The following NLRP4 variants were observed in gnomAD, a reference collection of about 807,000 sequenced individuals.
The protein encoded by NLRP4 is NACHT, LRR and PYD domains-containing protein 4.
NLRP4 carries 44 observed loss-of-function variants against 84.7 expected under a neutral mutation model. The ratio of observed to expected loss-of-function variants is 0.52; its 90% CI spans 0.41 to 0.67. NLRP4 has a LOEUF of 0.67. Ranked by LOEUF, NLRP4 falls within the 30% of genes least tolerant of loss-of-function variation. NLRP4 has a pLI of 0.00. For missense variants in NLRP4, 1,260 were observed against 1,219.4 expected (o/e 1.03, Z -0.50); for synonymous variants, 544 against 476.4 (o/e 1.14, Z -1.85).
At chr19:55,843,790 A>G (rs1178790766) in intron 1 of NLRP4, among the ~76,000 whole-genome samples, 14 of 152,204 alleles carry the variant, frequency 9.2e-5, no homozygotes, top group Non-Finnish European at 7.4e-5. Flanking sequence ...GGCAAAAACC[A>G]CAATTACTTT....
chr19:55,838,438 G>A (rs1433152791), intron 1 of NLRP4, among the ~76,000 whole-genome samples: 1 of 151,998 alleles, frequency 6.6e-6, no homozygotes, highest in Non-Finnish European at 1.5e-5. Flanking sequence ...GCAAGGAAGG[G>A]CTCCCCTGGG....
intron 5 of NLRP4, among the ~76,000 whole-genome samples, chr19:55,866,736 A>ATATG: frequency 6.6e-6 from 1 of 152,236 alleles, no homozygotes; most frequent in Non-Finnish European, 1.5e-5. Flanking sequence ...CTTGGCGGGC[A>ATATG]CACATGCAAA....
intron 7 of NLRP4, among the ~76,000 whole-genome samples, chr19:55,874,383 C>G (rs919730129): frequency 6.6e-6 from 1 of 152,004 alleles, no homozygotes; most frequent in African/African-American, 2.4e-5. Context: ...AAGCTACATT[C>G]CAAGTGCTCA....
intron 7 of NLRP4, 83 bp downstream of exon 7, chr19:55,871,080 G>T: frequency 8.3e-7 from 1 of 1,208,982 alleles, no homozygotes; most frequent in South Asian, 1.3e-5. Context: ...TGGAATTGAG[G>T]AAGGCTGTAG....
intron 2 of NLRP4, among the ~76,000 whole-genome samples, chr19:55,857,078 A>G (rs1984463546): frequency 6.6e-6 from 1 of 152,210 alleles, no homozygotes; most frequent in South Asian, 2.1e-4. Context: ...TTGCTTATCC[A>G]TATGAAGAGA....
chr19:55,881,433 T>G (rs1292617563), intron 9 of NLRP4, 37 bp from the exon 10 acceptor site: 1 of 1,064,328 alleles, frequency 9.4e-7, no homozygotes, highest in Non-Finnish European at 1.5e-6. Context: ...AAAAAGTATG[T>G]GAATTAAAAA....
intron 6 of NLRP4, among the ~76,000 whole-genome samples, chr19:55,870,543 A>G (rs1329903132): frequency 6.6e-6 from 1 of 152,116 alleles, no homozygotes; most frequent in Non-Finnish European, 1.5e-5. Context: ...GGTGCCTGTA[A>G]TCTCAGCTAC....
At chr19:55,870,143 G>A (rs958928038) in intron 6 of NLRP4, among the ~76,000 whole-genome samples, 1 of 151,790 alleles carries the variant, frequency 6.6e-6, no homozygotes, top group Non-Finnish European at 1.5e-5. Flanking sequence ...AAAGAATAAT[G>A]AAATTGAAAA....
At chr19:55,853,903 CTCTT>C (rs1328716312) in intron 2 of NLRP4, among the ~76,000 whole-genome samples, 11 of 134,956 alleles carry the variant, frequency 8.2e-5, no homozygotes, top group East Asian at 2.0e-4. Context: ...CTCTCTCTCT[CTCTT>C]TCTCTTTCTT....
intron 1 of NLRP4, among the ~76,000 whole-genome samples, chr19:55,841,247 G>A (rs1983603109): frequency 6.6e-6 from 1 of 152,116 alleles, no homozygotes; most frequent in Non-Finnish European, 1.5e-5. Context: ...CTAACTGTAA[G>A]CGTGCCTGTT....
In NLRP4 at chr19:55,853,889, T is replaced by TTCTCTC. The variant is rs145906779; in HGVS notation, c.280+1541_280+1546dup. The stretch of plus-strand genomic sequence containing the variant: ...TCTCTCTTTCTCTCTTGCTATCTCT[T>TTCTCTC]TCTCTCTCTCTCTCTCTTTCTCTTT... On this transcript the variant is annotated intron_variant, in intron 2 of 9. Coordinates refer to ENST00000301295, the MANE Select transcript of NLRP4 (RefSeq NM_134444.5). Among the ~76,000 whole-genome samples the TTCTCTC allele has an allele frequency of 2.3e-4, 31 of 132,254 alleles. 1 individual carries two copies. Among genetic ancestry groups the TTCTCTC allele is most frequent in the Middle Eastern group, 3.7e-3 (1 of 272 alleles). The allele number at this position is 132,254 out of a possible 152,430, so 86.8% of individuals were successfully genotyped here. A position where few individuals can be genotyped will look rare whatever the true frequency, so the allele number is the denominator to read the frequency against.
At chr19:55,852,515 T>C (rs1283140256) in intron 2 of NLRP4, among the ~76,000 whole-genome samples, 155 bp downstream of exon 2, 1 of 150,684 alleles carries the variant, frequency 6.6e-6, no homozygotes, top group African/African-American at 2.5e-5. Context: ...AGTCGCACTT[T>C]GTTGCCCAGA....
At chr19:55,849,916 C>CCGAGACT in intron 1 of NLRP4, among the ~76,000 whole-genome samples, 1 of 83,228 alleles carries the variant, frequency 1.2e-5, no homozygotes, top group African/African-American at 7.3e-5. Flanking sequence ...TTTCCGTAGC[C>CCGAGACT]GCGGTGTAAT....
intron 6 of NLRP4, 88 bp downstream of exon 6, chr19:55,867,964 A>G: frequency 8.6e-7 from 1 of 1,160,928 alleles, no homozygotes; most frequent in Non-Finnish European, 1.2e-6. Flanking sequence ...TCATTGATGG[A>G]GGCCACATAG....
intron 7 of NLRP4, among the ~76,000 whole-genome samples, chr19:55,873,685 A>T (rs1477561489): frequency 6.6e-6 from 1 of 152,156 alleles, no homozygotes; most frequent in African/African-American, 2.4e-5. Context: ...CGCAAATATT[A>T]AAAGGAAGCT....
At chr19:55,854,617 G>C (rs557818724) in intron 2 of NLRP4, among the ~76,000 whole-genome samples, 1 of 152,162 alleles carries the variant, frequency 6.6e-6, no homozygotes, top group South Asian at 2.1e-4. Flanking sequence ...TAAAATAATT[G>C]GTTTGAAATA....
rs1347708511 is a variant in NLRP4, at chr19:55,881,814, C to CT, written c.*229dup. On this transcript the variant is annotated 3_prime_UTR_variant, in exon 10 of 10. Transcript: ENST00000301295. ...TGGTCTCTCGGTCTCACAAGGACCT[C>CT]TTAACCCCTCAATAAAGTGTTACAT... 2.9e-6 allele frequency: 1 copy of CT among 347,902 alleles called. No individual in the cohort carries two copies. The highest frequency in any genetic ancestry group is 7.2e-4 in the Middle Eastern group (1 of 1,398). 21.6% of individuals were successfully genotyped at this position (347,902 alleles called of 1,614,324 possible).
At chr19:55,875,605 T>G (rs1985339340) in intron 7 of NLRP4, among the ~76,000 whole-genome samples, 1 of 152,228 alleles carries the variant, frequency 6.6e-6, no homozygotes, top group Non-Finnish European at 1.5e-5. Context: ...TAAGTTGAAT[T>G]CATTTGCTTT....
At chr19:55,851,358 C>A (rs1228846395) in intron 1 of NLRP4, among the ~76,000 whole-genome samples, 6 of 82,454 alleles carry the variant, frequency 7.3e-5, no homozygotes, top group African/African-American at 1.1e-4. Flanking sequence ...TCCGTGGCTG[C>A]GGTGTAATGT....
Sources: gnomAD v4.1 joint callset for allele counts (sites outside exome capture counted in the v4.1 genomes callset) on GRCh38, gnomAD v4.1.1 for gene constraint, MANE v1.5 for transcripts, NCBI Gene and HGNC (gene_info 2026-07-23, HGNC 2026-07-21) for gene names.